VEPH1: variants seen among roughly 807,000 people sequenced by gnomAD.
VEPH1 encodes the protein ventricular zone expressed PH domain containing 1, also known as ventricular zone-expressed PH domain-containing protein homolog 1.
Under a neutral mutation model 85.2 loss-of-function variants are expected in VEPH1, and 80 were observed. The ratio of observed to expected loss-of-function variants is 0.94; its 90% CI spans 0.78 to 1.13. VEPH1 has a LOEUF of 1.13. Ranked by LOEUF, VEPH1 falls within the 50% of genes most tolerant of loss-of-function variation. The probability of loss-of-function intolerance (pLI) is 0.00; values close to 1 mark genes in which losing one functional copy is unlikely to be tolerated. For synonymous variants in VEPH1, 297 were observed against 348.0 expected (o/e 0.85, Z 1.63); for missense variants, 955 against 980.5 (o/e 0.97, Z 0.35).
intron 13 of VEPH1, among the ~76,000 whole-genome samples, chr3:157,263,514 CAG>C (rs1713192622): frequency 6.8e-6 from 1 of 146,592 alleles, no homozygotes; most frequent in Non-Finnish European, 1.5e-5. Flanking sequence ...TGAATAAAAA[CAG>C]AAAATTCAGG....
chr3:157,455,144 T>G (rs1014968772), intron 4 of VEPH1, among the ~76,000 whole-genome samples: 1 of 152,176 alleles, frequency 6.6e-6, no homozygotes, highest in East Asian at 1.9e-4. Context: ...AATAGTTCTA[T>G]TTTAACTTCT....
intron 2 of VEPH1, among the ~76,000 whole-genome samples, chr3:157,471,877 A>G (rs553557269): frequency 2.1e-4 from 32 of 152,172 alleles, no homozygotes; most frequent in African/African-American, 7.7e-4. Context: ...AAATTTGTCA[A>G]TTTTGGGGCC....
At chr3:157,424,888 G>A (rs985069398) in intron 5 of VEPH1, among the ~76,000 whole-genome samples, 1 of 152,214 alleles carries the variant, frequency 6.6e-6, no homozygotes, top group Non-Finnish European at 1.5e-5. Flanking sequence ...AGAAATTCAA[G>A]CCGGATGCAG....
At chr3:157,422,581 A>T (rs2109083010) in intron 5 of VEPH1, among the ~76,000 whole-genome samples, 1 of 151,842 alleles carries the variant, frequency 6.6e-6, no homozygotes, top group South Asian at 2.1e-4. Flanking sequence ...CCAGTTGGGG[A>T]CCTCTGCTCT....
At chr3:157,268,631 A>C (rs1369296058) in intron 12 of VEPH1, among the ~76,000 whole-genome samples, 1 of 152,170 alleles carries the variant, frequency 6.6e-6, no homozygotes, top group Admixed American at 6.5e-5. Flanking sequence ...GGATTCTGGG[A>C]GGTCAAAAAT....
chr3:157,421,445 C>G (rs963221603), intron 5 of VEPH1, among the ~76,000 whole-genome samples: 1 of 152,218 alleles, frequency 6.6e-6, no homozygotes, highest in African/African-American at 2.4e-5. Context: ...GGAAGCTCTA[C>G]TTGAATTCCA....
intron 6 of VEPH1, among the ~76,000 whole-genome samples, chr3:157,396,547 C>T (rs1422633418): frequency 3.3e-5 from 5 of 152,324 alleles, no homozygotes; most frequent in African/African-American, 1.2e-4. Context: ...AACTAATTTA[C>T]ATTCCCACCA....
Position 157,339,741 on chromosome 3 carries a change from T to G in VEPH1, c.1736-22540A>C, listed in dbSNP as rs555716431. ...GCTCAAGAAGGTCGGGTGGCGAGGT[T>G]GTAGAATTTATATTGAAAAAGAGAA... is the stretch of plus-strand genomic sequence containing the variant. On this transcript the variant is annotated intron_variant, in intron 9 of 13. Coordinates refer to ENST00000362010, the MANE Select transcript of VEPH1 (RefSeq NM_001167912.2). 3.3e-5 allele frequency among the ~76,000 whole-genome samples: 5 copies of G among 152,272 alleles called. No homozygotes were observed. In the East Asian group the frequency reaches 9.7e-4, roughly 29 times the overall value.
chr3:157,290,548 A>G (rs1717355142), intron 11 of VEPH1, among the ~76,000 whole-genome samples: 1 of 152,228 alleles, frequency 6.6e-6, no homozygotes, highest in African/African-American at 2.4e-5. Context: ...CATGAAAGTG[A>G]TGATTCTACT....
rs144654467 is a variant in VEPH1, at chr3:157,502,103, G to T, written c.-158+1174C>A. On this transcript the variant is annotated intron_variant, in intron 1 of 13. Coordinates refer to ENST00000362010, the MANE Select transcript of VEPH1 (RefSeq NM_001167912.2). ...ATGTCTCTGGGCTTCCTTGGCTGTG[G>T]CGTGCTGCTACACTTCACTTCTACT... 3.1e-3 allele frequency among the ~76,000 whole-genome samples: 472 copies of T among 152,274 alleles called. 1 individual carries two copies. The highest frequency in any genetic ancestry group is 0.01 in the African/African-American group (420 of 41,548).
At chr3:157,346,721 C>T (rs1001269670) in intron 9 of VEPH1, among the ~76,000 whole-genome samples, 33 of 152,138 alleles carry the variant, frequency 2.2e-4, no homozygotes, top group Admixed American at 2.1e-3. Flanking sequence ...ATCTTCCCAC[C>T]TCAGCCTCCC....
At chr3:157,372,789 A>G (rs146982837) in intron 7 of VEPH1, among the ~76,000 whole-genome samples, 2 of 152,350 alleles carry the variant, frequency 1.3e-5, no homozygotes, top group Non-Finnish European at 2.9e-5. Context: ...GAGAAACGCA[A>G]TGAATAAAAC....
intron 2 of VEPH1, among the ~76,000 whole-genome samples, chr3:157,473,315 G>A (rs1421134745): frequency 6.6e-6 from 1 of 151,620 alleles, no homozygotes; most frequent in Non-Finnish European, 1.5e-5. Flanking sequence ...CTCGTGATCT[G>A]CCTGCCTTGG....
rs1301760522 is a variant in VEPH1, at chr3:157,314,906, T to TATA, written c.1876-1152_1876-1151insTAT. Among the ~76,000 whole-genome samples, 8 of 152,252 alleles carry TATA rather than the reference T, an allele frequency of 5.3e-5. No individual in the cohort carries two copies. In the East Asian group the frequency reaches 1.5e-3, roughly 29 times the overall value. On this transcript the variant is annotated intron_variant, in intron 10 of 13. Coordinates refer to ENST00000362010, the MANE Select transcript of VEPH1 (RefSeq NM_001167912.2). ...TAAGTTGTGTTTGTATATTTACTAA[T>TATA]CAATGATGTGTCTAATAATCATTTA...
intron 6 of VEPH1, 93 bp downstream of exon 6, chr3:157,413,788 A>C: frequency 1.4e-6 from 2 of 1,443,280 alleles, no homozygotes; most frequent in Non-Finnish European, 1.9e-6. Flanking sequence ...ATTCCAGGAC[A>C]AATTTGCACG....
chr3:157,439,300 A>T lies in VEPH1; in HGVS notation c.530-10812T>A, dbSNP rs533548481. The stretch of plus-strand genomic sequence containing the variant: ...GCATATTAGTTAGAGCAGAAGAGGG[A>T]TGCATTTCTGAATTCTAAGATGTTA... On this transcript the variant is annotated intron_variant, in intron 4 of 13. Coordinates refer to ENST00000362010, the MANE Select transcript of VEPH1 (RefSeq NM_001167912.2). Among the ~76,000 whole-genome samples, 6 of 152,308 alleles carry T rather than the reference A, an allele frequency of 3.9e-5. No individual in the cohort carries two copies. In the East Asian group the frequency reaches 1.2e-3, roughly 29 times the overall value.
At chr3:157,442,926 G>T in intron 4 of VEPH1, 1 of 1,614,014 alleles carries the variant, frequency 6.2e-7, no homozygotes, top group Non-Finnish European at 8.5e-7. Flanking sequence ...GAATATTGTT[G>T]GGTGGGGAGT....
At chr3:157,438,177 T>C (rs1251783189) in intron 4 of VEPH1, among the ~76,000 whole-genome samples, 1 of 151,952 alleles carries the variant, frequency 6.6e-6, no homozygotes, top group Non-Finnish European at 1.5e-5. Flanking sequence ...TAAAGAGAGT[T>C]GTGGAGGTAA....
intron 12 of VEPH1, among the ~76,000 whole-genome samples, chr3:157,277,913 A>G (rs13064762): frequency 6.6e-6 from 1 of 152,218 alleles, no homozygotes; most frequent in Non-Finnish European, 1.5e-5. Context: ...AAAATGAGTC[A>G]TTGTTAATTC....
Sources: allele counts gnomAD v4.1 joint callset (sites outside exome capture counted in the v4.1 genomes callset), GRCh38; gene constraint gnomAD v4.1.1; transcripts MANE v1.5; gene names NCBI Gene and HGNC (gene_info 2026-07-23, HGNC 2026-07-21).